Variants in LUC7L2 observed in about 807,000 individuals in gnomAD.
LUC7L2 encodes the protein putative RNA-binding protein Luc7-like 2.
In LUC7L2, 25 loss-of-function variants were observed where a neutral mutation model predicts 52.8. The observed-to-expected ratio is 0.47, with a 90% CI of 0.34 to 0.66. LUC7L2 has a LOEUF of 0.66. Among genes scored for constraint, LUC7L2 ranks in the 30% least tolerant of loss-of-function variants. LUC7L2 has a pLI of 0.01. For missense variants in LUC7L2, 328 were observed against 497.8 expected, an observed-to-expected ratio of 0.66 and a Z score of 3.25; for synonymous variants, 144 against 160.9, an observed-to-expected ratio of 0.89 and a Z score of 0.80.
At chr7:139,379,583 T>G (rs1404952687) in intron 2 of LUC7L2, among the ~76,000 whole-genome samples, 6 of 96,342 alleles carry the variant, frequency 6.2e-5, no homozygotes, top group South Asian at 3.3e-4. Flanking sequence ...TTTTTTTTTT[T>G]TTTTGAGACA....
At chr7:139,371,182 G>A (rs960712400) in intron 1 of LUC7L2, among the ~76,000 whole-genome samples, 7 of 152,112 alleles carry the variant, frequency 4.6e-5, no homozygotes, top group Non-Finnish European at 8.8e-5. Context: ...GTATGCTGTT[G>A]CATTCTCCTC....
chr7:139,412,654 A>C, intron 8 of LUC7L2, 74 bp downstream of exon 8: 1 of 1,517,606 alleles, frequency 6.6e-7, no homozygotes, highest in Non-Finnish European at 8.8e-7. Context: ...AGATTGATTA[A>C]ATGGTCCTTT....
chr7:139,381,387 T>TTTTTATTTTATTTTA (rs144581381), intron 2 of LUC7L2, among the ~76,000 whole-genome samples: 10 of 110,208 alleles, frequency 9.1e-5, no homozygotes, highest in African/African-American at 2.7e-4. Context: ...TTTATTTTAT[T>TTTTTATTTTATTTTA]TTTTATTTTA....
Position 139,343,823 on chromosome 7 carries a change from TA to T in LUC7L2, c.-26+3307del, listed in dbSNP as rs1306530697. Among the ~76,000 whole-genome samples the T allele has an allele frequency of 2.0e-5, 3 of 149,856 alleles. No individual in the cohort carries two copies. The East Asian group carries it at 5.9e-4, about 29-fold the overall frequency. On this transcript the variant is annotated intron_variant, in intron 1 of 10. Transcript: ENST00000541170. The stretch of plus-strand genomic sequence containing the variant: ...GGTGGTGTGCGTCTGTAGTCCCAGC[TA>T]CTTGCGGGGCTGAGGCAGGAGGATC...
chr7:139,417,648 C>G lies in LUC7L2; in HGVS notation c.920C>G (p.Ser307Cys). The G allele has an allele frequency of 6.2e-7, 1 of 1,614,162 alleles. No individual in the cohort carries two copies. Among genetic ancestry groups the G allele is most frequent in the South Asian group, 1.1e-5 (1 of 91,074 alleles). The change falls in exon 9 of 10, where the codon TCC becomes TGC. Residue 307 changes from serine to cysteine, a missense_variant. Physicochemically the swap from Ser to Cys is moderately radical, Grantham distance 112. Around this residue, in one of 2 missense-constraint regions of LUC7L2, gnomAD observed 195 missense variants for 223.3 expected, o/e 0.87. Coordinates refer to ENST00000354926, the MANE Select transcript of LUC7L2 (RefSeq NM_016019.5). ...AAACGCCATCGCCACAGGTCCCGCT[C>G]CAGCAGCCGTAGCCGCAGCCGTAGC... ...REKRHRHRSR[S>C]SSRSRSRSHQ...
intron 1 of LUC7L2, among the ~76,000 whole-genome samples, chr7:139,343,684 C>T (rs1799113679): frequency 6.6e-6 from 1 of 152,138 alleles, no homozygotes; most frequent in Admixed American, 6.5e-5. Context: ...CCTGTAATCC[C>T]AGCACTCTGG....
In LUC7L2 at chr7:139,412,543, T is replaced by C; in HGVS notation, c.780-8T>C. The C allele has an allele frequency of 6.2e-7, 1 of 1,602,882 alleles. No homozygotes were observed. The highest frequency in any genetic ancestry group is 8.5e-7 in the Non-Finnish European group (1 of 1,176,604). On this transcript the variant is annotated splice_polypyrimidine_tract_variant and splice_region_variant and intron_variant, in intron 7 of 9. Transcript: ENST00000354926. The stretch of plus-strand genomic sequence containing the variant: ...ACTTTTCTAAAAATACATATTTTTT[T>C]TTTTTAGGTCCCGATCACACAGCAA...
Position 139,412,555 on chromosome 7 carries a change from C to G in LUC7L2, c.784C>G (p.Arg262Gly), listed in dbSNP as rs759852593. 6.3e-7 allele frequency: 1 copy of G among 1,599,752 alleles called. No homozygotes were observed. Among genetic ancestry groups the G allele is most frequent in the Non-Finnish European group, 8.5e-7 (1 of 1,175,264 alleles). The change falls in exon 8 of 10, where the codon CGA (arginine) becomes GGA (glycine). Residue 262 changes from arginine to glycine, a missense_variant. Arg to Gly is a moderately radical substitution (Grantham distance 125). Transcript: ENST00000354926. ...REEREKLRRS[R>G]SHSKNPKRSR... The stretch of plus-strand genomic sequence containing the variant: ...ATACATATTTTTTTTTTTTAGGTCC[C>G]GATCACACAGCAAGAATCCAAAAAG...
chr7:139,393,537 C>T (rs1458909245), intron 2 of LUC7L2, among the ~76,000 whole-genome samples: 1 of 152,154 alleles, frequency 6.6e-6, no homozygotes, highest in Non-Finnish European at 1.5e-5. Flanking sequence ...ACCTCTGCCT[C>T]CTGGGTTCAA....
chr7:139,372,904 G>A (rs755610506), intron 1 of LUC7L2, among the ~76,000 whole-genome samples: 2 of 152,154 alleles, frequency 1.3e-5, no homozygotes, highest in East Asian at 3.8e-4. Flanking sequence ...AGCAGATGTT[G>A]TCACTAATAG....
In LUC7L2 at chr7:139,363,976, C is replaced by CTTTTTTTTTTTTTTTTT. The variant is rs1169793101; in HGVS notation, c.61+3665_61+3681dup. ...TGAGGGTGTGGATTTAGATTACATC[C>CTTTTTTTTTTTTTTTTT]TTTTTTTTTTTTTTTTTTTTTTTTT... On this transcript the variant is annotated intron_variant, in intron 1 of 9. Coordinates refer to ENST00000354926, the MANE Select transcript of LUC7L2 (RefSeq NM_016019.5). 3.2e-4 allele frequency among the ~76,000 whole-genome samples: 31 copies of CTTTTTTTTTTTTTTTTT among 96,094 alleles called. 2 individuals are homozygous for CTTTTTTTTTTTTTTTTT. Among genetic ancestry groups the CTTTTTTTTTTTTTTTTT allele is most frequent in the African/African-American group, 1.1e-3 (19 of 17,260 alleles). The allele number at this position is 96,094 out of a possible 152,430, so 63.0% of individuals were successfully genotyped here.
intron 8 of LUC7L2, 104 bp downstream of exon 8, chr7:139,412,684 T>C (rs2131305334): frequency 2.2e-6 from 3 of 1,379,914 alleles, no homozygotes; most frequent in African/African-American, 1.5e-5. Context: ...CTTTTTTGGC[T>C]GGGCACGGTG....
chr7:139,405,902 AATT>A, intron 5 of LUC7L2, 115 bp downstream of exon 5: 1 of 1,366,682 alleles, frequency 7.3e-7, no homozygotes, highest in African/African-American at 1.5e-5. Context: ...TTTGAATGGA[AATT>A]ATTGAACAGT....
At chr7:139,398,775 A>G (rs370922755) in intron 3 of LUC7L2, 78 bp downstream of exon 3, 24 of 1,363,832 alleles carry the variant, frequency 1.8e-5, no homozygotes, top group East Asian at 4.8e-5. Context: ...ATCTCTTAAT[A>G]GGAAAAACTC....
At chr7:139,347,533 G>T (rs1187437252) in intron 1 of LUC7L2, among the ~76,000 whole-genome samples, 1 of 151,590 alleles carries the variant, frequency 6.6e-6, no homozygotes, top group East Asian at 1.9e-4. Context: ...GTTGCAGTGA[G>T]CCGAGATTGC....
At chr7:139,374,334 T>C in intron 1 of LUC7L2, 2 of 1,182,268 alleles carry the variant, frequency 1.7e-6, no homozygotes, top group East Asian at 2.6e-5. Flanking sequence ...AGATGCTGTA[T>C]TGAAATTGCT....
chr7:139,341,640 G>A (rs967559849), intron 1 of LUC7L2: 3 of 1,478,276 alleles, frequency 2.0e-6, no homozygotes, highest in Non-Finnish European at 2.7e-6. Flanking sequence ...CCCTCCCACG[G>A]AGCCCTGGTT....
intron 9 of LUC7L2, 142 bp downstream of exon 9, chr7:139,417,871 G>T: frequency 8.5e-7 from 1 of 1,179,938 alleles, no homozygotes; most frequent in Non-Finnish European, 1.1e-6. Context: ...TTATGTGTGG[G>T]TGTACAACAT....
intron 6 of LUC7L2, among the ~76,000 whole-genome samples, chr7:139,409,085 C>T (rs377529938): frequency 7.9e-5 from 12 of 151,576 alleles, no homozygotes; most frequent in African/African-American, 1.5e-4. Context: ...TGCAGTGAGC[C>T]GAGATGGTGC....
Sources: allele counts gnomAD v4.1 joint callset (sites outside exome capture counted in the v4.1 genomes callset), GRCh38; gene constraint gnomAD v4.1.1; regional missense constraint gnomAD v4.1.1; transcripts MANE v1.5; gene names NCBI Gene and HGNC (gene_info 2026-07-23, HGNC 2026-07-21).